The following ATP2B3 variants were observed in gnomAD, a reference collection of about 807,000 sequenced individuals.
ATP2B3 encodes the protein ATPase plasma membrane Ca2+ transporting 3.
ATP2B3 carries 12 observed loss-of-function variants against 70.8 expected under a neutral mutation model. The ratio of observed to expected loss-of-function variants is 0.17; its 90% confidence interval spans 0.11 to 0.27. The LOEUF (loss-of-function observed/expected upper bound fraction) is 0.27. Ranked by LOEUF, ATP2B3 falls within the 10% of genes least tolerant of loss-of-function variation. The pLI is 1.00. For missense variants in ATP2B3, 858 were observed against 1,118.5 expected, an observed-to-expected ratio of 0.77 and a Z score of 3.32; for synonymous variants, 460 against 497.8, an observed-to-expected ratio of 0.92 and a Z score of 1.01.
intron 16 of ATP2B3, 129 bp from the exon 17 acceptor site, chrX:153,557,983 G>C (rs1020355768): frequency 2.9e-5 from 17 of 580,833 alleles, no homozygotes; most frequent in African/African-American, 1.7e-4. Context: ...CTTGGCTTTG[G>C]GGGGCGGGGT....
rs782009437 is a variant in ATP2B3 at position 153,556,136 on chromosome X, G to A, written c.2146G>A (p.Ala716Thr). Reference sequence around the variant, plus strand: ...CAACATCAACACGGCCCGGGCCATCGCAGCCAAATGCGGCATCATCCAGCC... The same window carrying A: ...CAACATCAACACGGCCCGGGCCATCACAGCCAAATGCGGCATCATCCAGCC... ...GDNINTARAI[A>T]AKCGIIQPGE... The change falls in exon 14 of 22, where the codon GCA becomes ACA. Residue 716 changes from alanine (A) to threonine (T), a missense_variant. Transcript: ENST00000263519. The A allele has an allele frequency of 2.5e-6, 3 of 1,212,324 alleles. No individual in the cohort carries two copies. Among genetic ancestry groups the A allele is most frequent in the Non-Finnish European group, 3.3e-6 (3 of 895,607 alleles).
chrX:153,521,913 A>G (rs782103890), intron 2 of ATP2B3, among the ~76,000 whole-genome samples: 1 of 112,176 alleles, frequency 8.9e-6, no homozygotes, highest in Non-Finnish European at 1.9e-5. Context: ...TGGAAACCCA[A>G]GTCCTCACAC....
At chrX:153,560,540 C>T in intron 18 of ATP2B3, 136 bp from the exon 19 acceptor site, 2 of 721,852 alleles carry the variant, frequency 2.8e-6, no homozygotes, top group Non-Finnish European at 4.1e-6. Context: ...CTGCCTTGGG[C>T]CTTGGCCGTG....
intron 2 of ATP2B3, among the ~76,000 whole-genome samples, chrX:153,526,183 C>T (rs1470699853): frequency 8.9e-6 from 1 of 112,638 alleles, no homozygotes; most frequent in Non-Finnish European, 1.9e-5. Context: ...GTCCCCAGCC[C>T]AGCTGTGCTC....
chrX:153,560,920 C>G, intron 19 of ATP2B3, 33 bp downstream of exon 19: 2 of 1,205,192 alleles, frequency 1.7e-6, no homozygotes, highest in Middle Eastern at 2.3e-4. Context: ...TGGCCTCTGC[C>G]ACTTGCAAAA....
chrX:153,542,683 A>G (rs188735269), intron 6 of ATP2B3, among the ~76,000 whole-genome samples: 159 of 113,174 alleles, frequency 1.4e-3, no homozygotes, highest in African/African-American at 4.9e-3. Flanking sequence ...TTGTGTCCTG[A>G]ATGGGAAGCC....
chrX:153,542,544 A>G, intron 6 of ATP2B3, 96 bp downstream of exon 6: 1 of 1,076,729 alleles, frequency 9.3e-7, no homozygotes, highest in Non-Finnish European at 1.2e-6. Context: ...CTCAGCCTCC[A>G]CCTCCACCAG....
intron 21 of ATP2B3, chrX:153,569,477 G>A: frequency 1.2e-6 from 1 of 800,307 alleles, no homozygotes; most frequent in Non-Finnish European, 1.9e-6. Context: ...TGAGCGGGGT[G>A]ACCCGATGAG....
chrX:153,553,738 A>C (rs1047119455), intron 13 of ATP2B3, among the ~76,000 whole-genome samples: 7 of 113,116 alleles, frequency 6.2e-5, no homozygotes, highest in Non-Finnish European at 1.3e-4. Context: ...CATATGGACG[A>C]TGCCACCAGG....
chrX:153,544,260 C>T (rs1169217028), intron 7 of ATP2B3, among the ~76,000 whole-genome samples: 1 of 112,214 alleles, frequency 8.9e-6, no homozygotes, highest in East Asian at 2.8e-4. Context: ...GCCCAGCTGC[C>T]CCTGCCTGGG....
chrX:153,573,053 T>G (rs1445256369), intron 21 of ATP2B3, among the ~76,000 whole-genome samples: 1 of 112,513 alleles, frequency 8.9e-6, no homozygotes, highest in African/African-American at 3.2e-5. Context: ...ATGCTTACTG[T>G]TGGAGTCGTT....
chrX:153,556,809 C>A, intron 15 of ATP2B3, 108 bp from the exon 16 acceptor site: 1 of 806,802 alleles, frequency 1.2e-6, no homozygotes, highest in Non-Finnish European at 1.8e-6. Flanking sequence ...CGGGGTAATC[C>A]CAAAGGGTTT....
At chrX:153,560,578 A>T in intron 18 of ATP2B3, 98 bp from the exon 19 acceptor site, 1 of 960,966 alleles carries the variant, frequency 1.0e-6, no homozygotes, top group Non-Finnish European at 1.4e-6. Flanking sequence ...CCCTGGGACA[A>T]GGGACCCATC....
chrX:153,561,845 G>T (rs1379953183), intron 19 of ATP2B3, among the ~76,000 whole-genome samples: 5 of 112,964 alleles, frequency 4.4e-5, no homozygotes, highest in Admixed American at 1.9e-4. Context: ...GGCATGTCCA[G>T]CGTGCCCGCA....
At chrX:153,544,161 C>G (rs1241737803) in intron 7 of ATP2B3, among the ~76,000 whole-genome samples, 4 of 112,551 alleles carry the variant, frequency 3.6e-5, no homozygotes, top group Non-Finnish European at 7.5e-5. Context: ...TGTCTCACCC[C>G]AGTGAGTGCC....
chrX:153,544,806 G>A (rs1405998450), intron 7 of ATP2B3, among the ~76,000 whole-genome samples: 1 of 112,000 alleles, frequency 8.9e-6, no homozygotes, highest in East Asian at 2.8e-4. Context: ...CTCTTCTGGC[G>A]GGGCCCAGCC....
At chrX:153,570,434 A>C (rs1429549588) in intron 21 of ATP2B3, among the ~76,000 whole-genome samples, 2 of 112,644 alleles carry the variant, frequency 1.8e-5, no homozygotes, top group Non-Finnish European at 3.8e-5. Flanking sequence ...GGCCTCTTCA[A>C]GACGTTGCCA....
intron 20 of ATP2B3, among the ~76,000 whole-genome samples, chrX:153,563,993 C>T (rs1354803350): frequency 1.8e-5 from 2 of 112,414 alleles, no homozygotes; most frequent in Non-Finnish European, 3.8e-5. Context: ...GCTTCCCCTG[C>T]GTCCTTCTAG....
chrX:153,521,308 G>C (rs1556997765), intron 2 of ATP2B3, among the ~76,000 whole-genome samples: 1 of 113,036 alleles, frequency 8.8e-6, no homozygotes, highest in African/African-American at 3.2e-5. Flanking sequence ...GTGGGCCTGG[G>C]AGCCTGCGGA....
Sources: gnomAD v4.1 joint callset for allele counts (sites outside exome capture counted in the v4.1 genomes callset) on GRCh38, gnomAD v4.1.1 for gene constraint, MANE v1.5 for transcripts, NCBI Gene and HGNC (gene_info 2026-07-23, HGNC 2026-07-21) for gene names.